The following WASHC5 variants were observed in gnomAD, a reference collection of about 807,000 sequenced individuals.
WASHC5 encodes the protein WASH complex subunit 5, also known as WASH complex subunit strumpellin.
WASHC5 carries 101 observed loss-of-function variants against 150.4 expected under a neutral mutation model. The ratio of observed to expected loss-of-function variants is 0.67; its 90% CI spans 0.57 to 0.79. WASHC5 has a LOEUF of 0.79. WASHC5 is among the 30% of genes least tolerant of loss of function. The probability of loss-of-function intolerance (pLI) is 0.00; values close to 1 mark genes in which losing one functional copy is unlikely to be tolerated. For synonymous variants in WASHC5, 467 were observed against 491.2 expected, an observed-to-expected ratio of 0.95 and a Z score of 0.65; for missense variants, 1,195 against 1,396.3, an observed-to-expected ratio of 0.86 and a Z score of 2.30.
intron 9 of WASHC5, 44 bp downstream of exon 9, chr8:125,073,109 C>G (rs2130164281): frequency 1.9e-6 from 3 of 1,595,800 alleles, no homozygotes; most frequent in African/African-American, 1.3e-5. Context: ...TTCTGAGAGT[C>G]TTTATGTGGA....
Position 125,061,333 on chromosome 8 carries a change from A to G in WASHC5, c.1409-139T>C, listed in dbSNP as rs531857006. 1.5e-4 allele frequency: 93 copies of G among 600,654 alleles called. 1 individual carries two copies. The South Asian group carries it at 1.6e-3, about 10-fold the overall frequency. 37.2% of individuals were successfully genotyped at this position (600,654 alleles called of 1,614,324 possible). ...CCTAACACTAGGAATTTTCCAAACG[A>G]CAAAAATGCCTGGAGCATGCGACAT... On this transcript the variant is annotated intron_variant, in intron 11 of 28. Coordinates refer to ENST00000318410, the MANE Select transcript of WASHC5 (RefSeq NM_014846.4).
Position 125,057,662 on chromosome 8 carries a change from G to A in WASHC5, c.1769C>T (p.Ala590Val). ...TKLRATFLKL[A>V]SALDLPLLRI... ...AAGAAGGGGCAGATCGAGGGCAGAGGCAAGCTGGAAGAAAAATAAGGTATA... is the reference window on the plus strand; with the variant it reads ...AAGAAGGGGCAGATCGAGGGCAGAGACAAGCTGGAAGAAAAATAAGGTATA... The change falls in exon 15 of 29, where the codon GCC (alanine) becomes GTC (valine). Residue 590 changes from alanine (A) to valine (V), a missense_variant. This residue lies in a region of WASHC5 where 997 missense variants were observed against 1,168.1 expected (regional missense o/e 0.85). Transcript: ENST00000318410. The A allele has an allele frequency of 6.2e-7, 1 of 1,602,396 alleles. No homozygotes were observed. Among genetic ancestry groups the A allele is most frequent in the Non-Finnish European group, 8.5e-7 (1 of 1,169,698 alleles).
intron 25 of WASHC5, among the ~76,000 whole-genome samples, chr8:125,038,223 G>C (rs1468116797): frequency 6.6e-6 from 1 of 152,180 alleles, no homozygotes; most frequent in Admixed American, 6.5e-5. Flanking sequence ...GATTTAGAAA[G>C]ATAATATAGG....
At chr8:125,080,684 C>CA (rs1817229883) in intron 5 of WASHC5, among the ~76,000 whole-genome samples, 1 of 152,188 alleles carries the variant, frequency 6.6e-6, no homozygotes, top group Non-Finnish European at 1.5e-5. Context: ...ATTTTTAGCT[C>CA]ATTCAACCAA....
chr8:125,076,938 T>C (rs1426966102), intron 6 of WASHC5, among the ~76,000 whole-genome samples: 1 of 152,174 alleles, frequency 6.6e-6, no homozygotes, highest in African/African-American at 2.4e-5. Flanking sequence ...CGGTCGCTCA[T>C]GACCTCACAA....
Position 125,089,719 on chromosome 8 carries a change from T to A in WASHC5, c.-125+1896A>T, listed in dbSNP as rs556746834. Among the ~76,000 whole-genome samples the A allele has an allele frequency of 4.2e-4, 64 of 152,326 alleles. 1 individual carries two copies. The highest frequency in any genetic ancestry group is 3.4e-3 in the Middle Eastern group (1 of 294). ...CCTGCATGCACACATTCGGGGAAGC[T>A]TCAGTCTGGGATAACGACAGAGATC... On this transcript the variant is annotated intron_variant, in intron 1 of 28. Coordinates refer to ENST00000318410, the MANE Select transcript of WASHC5 (RefSeq NM_014846.4).
chr8:125,081,883 A>C, intron 4 of WASHC5, 122 bp from the exon 5 acceptor site: 2 of 717,458 alleles, frequency 2.8e-6, no homozygotes, highest in Non-Finnish European at 5.0e-6. Flanking sequence ...GATTTCAAGG[A>C]AAAGGTAGGT....
chr8:125,083,059 T>C (rs2130216367), intron 3 of WASHC5, 54 bp downstream of exon 3: 7 of 1,201,924 alleles, frequency 5.8e-6, no homozygotes, highest in African/African-American at 1.5e-5. Flanking sequence ...TATGTGTCCT[T>C]TTCCCTCTCC....
At chr8:125,089,554 C>G (rs532230836) in intron 1 of WASHC5, among the ~76,000 whole-genome samples, 1 of 152,322 alleles carries the variant, frequency 6.6e-6, no homozygotes, top group African/African-American at 2.4e-5. Flanking sequence ...CTATGATTAA[C>G]AGGTCCAATG....
chr8:125,084,248 T>C (rs545705613), intron 1 of WASHC5, among the ~76,000 whole-genome samples: 1 of 152,348 alleles, frequency 6.6e-6, no homozygotes, highest in Admixed American at 6.5e-5. Flanking sequence ...GTCACTTCTC[T>C]TGAGAAAAAG....
In WASHC5 at chr8:125,031,360, G is replaced by C. The variant is rs201736288; in HGVS notation, c.3335+881C>G. ...CATGATCTCAGCTCACTGCACCTCT[G>C]AGGCCTCCTGGGTTCAAGCAATCCT... is the stretch of plus-strand genomic sequence containing the variant. On this transcript the variant is annotated intron_variant, in intron 27 of 28. Coordinates refer to ENST00000318410, the MANE Select transcript of WASHC5 (RefSeq NM_014846.4). Among the ~76,000 whole-genome samples, 20 of 152,076 alleles carry C rather than the reference G, an allele frequency of 1.3e-4. No individual in the cohort carries two copies. In the East Asian group the frequency reaches 3.7e-3, roughly 28 times the overall value.
intron 12 of WASHC5, among the ~76,000 whole-genome samples, chr8:125,060,271 G>GAGGC: frequency 6.6e-6 from 1 of 152,272 alleles, no homozygotes; most frequent in East Asian, 1.9e-4. Context: ...TGGATCACCT[G>GAGGC]AGGTCAGGAG....
rs1817345631 is a variant in WASHC5 at position 125,083,893 on chromosome 8, C to G, written c.6G>C (p.Leu2Phe). 1 of 1,613,526 alleles carries G rather than the reference C, an allele frequency of 6.2e-7. No individual in the cohort carries two copies. Among genetic ancestry groups the G allele is most frequent in the Non-Finnish European group, 8.5e-7 (1 of 1,179,814 alleles). The change falls in exon 2 of 29, where the codon TTG (leucine) becomes TTC (phenylalanine). Residue 2 changes from leucine (L) to phenylalanine (F), a missense_variant. Transcript: ENST00000318410. M[L>F]DFLAENNLCG... ...AGAGGTTGTTCTCGGCTAGAAAGTC[C>G]AACATTGTGAGGCGGACCGACTACT...
chr8:125,046,119 T>TCA (rs1816059230), intron 20 of WASHC5, among the ~76,000 whole-genome samples: 1 of 152,182 alleles, frequency 6.6e-6, no homozygotes, highest in Non-Finnish European at 1.5e-5. Flanking sequence ...AAGATTTAAC[T>TCA]CACACAAGAT....
At chr8:125,055,051 A>G (rs1816366441) in intron 17 of WASHC5, among the ~76,000 whole-genome samples, 1 of 152,156 alleles carries the variant, frequency 6.6e-6, no homozygotes, top group South Asian at 2.1e-4. Flanking sequence ...CTGCAGAACT[A>G]CAAGATAAAG....
At chr8:125,030,525 T>C (rs996202907) in intron 27 of WASHC5, among the ~76,000 whole-genome samples, 1 of 148,454 alleles carries the variant, frequency 6.7e-6, no homozygotes. Context: ...TTAGAAAGAA[T>C]GCAAAATCAG....
intron 16 of WASHC5, among the ~76,000 whole-genome samples, chr8:125,056,201 G>T (rs556398467): frequency 6.6e-6 from 1 of 152,264 alleles, no homozygotes; most frequent in African/African-American, 2.4e-5. Context: ...TACTTTTGAT[G>T]TCTTTAAATT....
At chr8:125,037,528 T>A (rs182497670) in intron 25 of WASHC5, among the ~76,000 whole-genome samples, 195 bp from the exon 26 acceptor site, 1 of 152,338 alleles carries the variant, frequency 6.6e-6, no homozygotes, top group Admixed American at 6.5e-5. Flanking sequence ...AATACCTGTA[T>A]CATAATTTGC....
chr8:125,057,844 A>C (rs972262721), intron 14 of WASHC5, among the ~76,000 whole-genome samples, 178 bp from the exon 15 acceptor site: 3 of 151,954 alleles, frequency 2.0e-5, no homozygotes, highest in African/African-American at 7.2e-5. Flanking sequence ...AGTGGTTCTT[A>C]AACTGTGCTC....
Sources: allele counts gnomAD v4.1 joint callset (sites outside exome capture counted in the v4.1 genomes callset), GRCh38; gene constraint gnomAD v4.1.1; regional missense constraint gnomAD v4.1.1; transcripts MANE v1.5; gene names NCBI Gene and HGNC (gene_info 2026-07-23, HGNC 2026-07-21).